KYAT1: variants seen among roughly 807,000 people sequenced by gnomAD.
The protein encoded by KYAT1 is kynurenine--oxoglutarate transaminase 1.
Under a neutral mutation model 52.4 loss-of-function variants are expected in KYAT1, and 47 were observed. The ratio of observed to expected loss-of-function variants is 0.90; its 90% confidence interval spans 0.71 to 1.14. The LOEUF (loss-of-function observed/expected upper bound fraction) is 1.14. Among genes scored for constraint, KYAT1 ranks in the 50% most tolerant of loss-of-function variants. KYAT1 has a pLI of 0.00. For synonymous variants in KYAT1, 212 were observed against 209.6 expected, an observed-to-expected ratio of 1.01 and a Z score of -0.10; for missense variants, 480 against 557.9, an observed-to-expected ratio of 0.86 and a Z score of 1.41.
intron 1 of KYAT1, chr9:128,847,362 G>T: frequency 9.6e-7 from 1 of 1,043,020 alleles, no homozygotes; most frequent in Non-Finnish European, 1.4e-6. Context: ...CAGCTTTGAA[G>T]CCAGGAACGA....
Position 128,835,826 on chromosome 9 carries a change from G to A in KYAT1, c.808C>T (p.Arg270Trp), listed in dbSNP as rs779445893. ...LGPDHIMKHL[R>W]TVHQNSVFHC... Reference sequence around the variant, plus strand: ...AAGACGGAGTTCTGGTGCACGGTCCGCAGGTGCTTCATGATGTGATCTGGA... The same window carrying A: ...AAGACGGAGTTCTGGTGCACGGTCCACAGGTGCTTCATGATGTGATCTGGA... Residue 270 changes from arginine (R) to tryptophan (W), a missense_variant, in exon 9 of 13, where the codon CGG (arginine) becomes TGG (tryptophan). Arg to Trp is a moderately radical substitution (Grantham distance 101). Transcript: ENST00000302586. The A allele has an allele frequency of 1.2e-5, 19 of 1,613,826 alleles. No homozygotes were observed. The highest frequency in any genetic ancestry group is 3.3e-5 in the South Asian group (3 of 91,044).
chr9:128,842,628 C>A, intron 3 of KYAT1, 26 bp downstream of exon 3: 1 of 1,605,364 alleles, frequency 6.2e-7, no homozygotes, highest in East Asian at 2.2e-5. Context: ...TCCCCCAGTG[C>A]CTCCACGAGA....
chr9:128,845,366 C>G lies in KYAT1; in HGVS notation c.40G>C (p.Asp14His). The G allele has an allele frequency of 1.2e-6, 2 of 1,613,800 alleles. No individual in the cohort carries two copies. The highest frequency in any genetic ancestry group is 1.6e-4 in the Middle Eastern group (1 of 6,062). The part of the protein sequence containing the change: ...QLQARRLDGI[D>H]YNPWVEFVKL... ...CAGCTGGCTCACCAGGGGTTGTAGT[C>G]GATCCCGTCTAGCCTTCGGGCCTGC... Residue 14 changes from aspartate (D) to histidine (H), a missense_variant, in exon 2 of 13, where the codon GAC (aspartate) becomes CAC (histidine). Transcript: ENST00000302586.
chr9:128,869,040 A>G (rs1397883474), intron 1 of KYAT1, among the ~76,000 whole-genome samples: 1 of 151,714 alleles, frequency 6.6e-6, no homozygotes, highest in Admixed American at 6.6e-5. Context: ...GGGTCTCACT[A>G]TGTTGCCCAG....
chr9:128,838,397 G>T, intron 3 of KYAT1, 30 bp from the exon 4 acceptor site: 3 of 1,613,448 alleles, frequency 1.9e-6, no homozygotes, highest in Non-Finnish European at 2.5e-6. Flanking sequence ...TAACTGTCCA[G>T]CTCAGCCTGG....
At position 128,836,482 on chromosome 9, in the gene KYAT1, A is replaced by G. The variant is rs557865862; in HGVS notation, c.688+320T>C. Among the ~76,000 whole-genome samples, 3 of 152,086 alleles carry G rather than the reference A, an allele frequency of 2.0e-5. No homozygotes were observed. In the East Asian group the frequency reaches 5.8e-4, roughly 30 times the overall value. On this transcript the variant is annotated intron_variant, in intron 7 of 12. Coordinates refer to ENST00000302586, the MANE Select transcript of KYAT1 (RefSeq NM_004059.5). ...CCCAGCTAATTTTTGTACTTTTAGT[A>G]CAGACAGGGTTTCACCATGTTGGCC...
In KYAT1 at chr9:128,835,574, G is replaced by C. The variant is rs770205049; in HGVS notation, c.949C>G (p.Arg317Gly). 2 of 1,613,386 alleles carry C rather than the reference G, an allele frequency of 1.2e-6. No homozygotes were observed. Among genetic ancestry groups the C allele is most frequent in the Non-Finnish European group, 1.7e-6 (2 of 1,180,020 alleles). ...VQFPQAMQRC[R>G]DHMIRSLQSV... ...TGTAGGCTACGTATCATGTGGTCAC[G>C]GCAGCGCTGCATGGCCTGCGGGAAC... The change falls in exon 10 of 13, where the codon CGT becomes GGT. Residue 317 changes from arginine to glycine, a missense_variant. Transcript: ENST00000302586.
At chr9:128,877,532 C>A (rs1838223895) in intron 1 of KYAT1, among the ~76,000 whole-genome samples, 1 of 152,202 alleles carries the variant, frequency 6.6e-6, no homozygotes, top group South Asian at 2.1e-4. Flanking sequence ...TTTCCAAAGT[C>A]CAAATTCTGT....
chr9:128,855,854 G>A (rs985549277), intron 1 of KYAT1, among the ~76,000 whole-genome samples: 3 of 152,086 alleles, frequency 2.0e-5, no homozygotes, highest in Non-Finnish European at 4.4e-5. Flanking sequence ...CTACTGCTGC[G>A]GCTGCTGGAA....
intron 1 of KYAT1, among the ~76,000 whole-genome samples, chr9:128,855,063 G>C (rs1834430150): frequency 6.6e-6 from 1 of 152,152 alleles, no homozygotes; most frequent in Non-Finnish European, 1.5e-5. Flanking sequence ...GGCCTAAGGG[G>C]ACCTTGCCTC....
chr9:128,878,053 T>A (rs551804339), intron 1 of KYAT1, among the ~76,000 whole-genome samples: 1 of 152,070 alleles, frequency 6.6e-6, no homozygotes, highest in East Asian at 1.9e-4. Flanking sequence ...AGCTTCCTCA[T>A]CTGTACAATG....
At chr9:128,843,615 G>A (rs2119126726) in intron 2 of KYAT1, among the ~76,000 whole-genome samples, 1 of 152,250 alleles carries the variant, frequency 6.6e-6, no homozygotes, top group East Asian at 1.9e-4. Context: ...CTGACCTCAG[G>A]TGATCCACCG....
chr9:128,857,537 C>T (rs1272087348), intron 1 of KYAT1, among the ~76,000 whole-genome samples: 1 of 152,200 alleles, frequency 6.6e-6, no homozygotes, highest in Non-Finnish European at 1.5e-5. Context: ...CAAAGTGAAT[C>T]ACATAACTAA....
chr9:128,856,580 C>A (rs1001195430), intron 1 of KYAT1, among the ~76,000 whole-genome samples: 2 of 152,148 alleles, frequency 1.3e-5, no homozygotes, highest in African/African-American at 4.8e-5. Context: ...GTAACTTTGC[C>A]CCAGCCACTT....
At chr9:128,847,596 G>T in intron 1 of KYAT1, 1 of 1,060,456 alleles carries the variant, frequency 9.4e-7, no homozygotes, top group Non-Finnish European at 1.4e-6. Context: ...AACAGCCCTG[G>T]CCAGAAAATG....
intron 1 of KYAT1, among the ~76,000 whole-genome samples, chr9:128,879,982 C>G (rs1838577069): frequency 1.3e-5 from 2 of 152,130 alleles, no homozygotes; most frequent in Non-Finnish European, 2.9e-5. Context: ...AGCCCAGCAG[C>G]CTTCCTAGGG....
intron 9 of KYAT1, 21 bp from the exon 10 acceptor site, chr9:128,835,688 C>T (rs774717134): frequency 1.2e-6 from 2 of 1,608,232 alleles, no homozygotes; most frequent in East Asian, 2.2e-5. Context: ...CAGATGGACA[C>T]ACAGATAGAT....
At chr9:128,878,337 G>A (rs920403126) in intron 1 of KYAT1, among the ~76,000 whole-genome samples, 2 of 151,748 alleles carry the variant, frequency 1.3e-5, no homozygotes, top group African/African-American at 4.8e-5. Context: ...GTTTTACCAC[G>A]TTGCCCAGGT....
chr9:128,853,156 A>G (rs1834161330), intron 1 of KYAT1, among the ~76,000 whole-genome samples: 1 of 152,232 alleles, frequency 6.6e-6, no homozygotes. Flanking sequence ...CCTTTAAACA[A>G]GGAACAGGTT....
Sources: allele counts gnomAD v4.1 joint callset (sites outside exome capture counted in the v4.1 genomes callset), GRCh38; gene constraint gnomAD v4.1.1; transcripts MANE v1.5; gene names NCBI Gene and HGNC (gene_info 2026-07-23, HGNC 2026-07-21).